TDRD10: variants seen among roughly 807,000 people sequenced by gnomAD.
TDRD10 encodes tudor domain-containing protein 10.
A neutral mutation model predicts 48.0 loss-of-function variants in TDRD10; 40 were observed. The observed-to-expected ratio is 0.83, with a 90% CI of 0.65 to 1.09. TDRD10 has a LOEUF of 1.09. Ranked by LOEUF, TDRD10 falls within the 50% of genes least tolerant of loss-of-function variation. TDRD10 has a pLI of 0.00. For synonymous variants in TDRD10, 162 were observed against 170.4 expected (o/e 0.95, Z 0.38); for missense variants, 378 against 434.7 (o/e 0.87, Z 1.16).
intron 9 of TDRD10, 46 bp from the exon 10 acceptor site, chr1:154,544,326 G>C: frequency 6.4e-7 from 1 of 1,554,980 alleles, no homozygotes; most frequent in South Asian, 1.2e-5. Context: ...AGGCAGATTT[G>C]TAATGCAGTG....
At chr1:154,516,004 A>G (rs1693743406) in intron 4 of TDRD10, among the ~76,000 whole-genome samples, 1 of 152,180 alleles carries the variant, frequency 6.6e-6, no homozygotes, top group Non-Finnish European at 1.5e-5. Context: ...GGCATGAGGC[A>G]CCGTGCCTGG....
At chr1:154,512,130 AT>A (rs1342797373) in intron 4 of TDRD10, among the ~76,000 whole-genome samples, 9 of 152,078 alleles carry the variant, frequency 5.9e-5, no homozygotes, top group Admixed American at 5.9e-4. Context: ...AATAAACCTC[AT>A]ACTCATTAGC....
At chr1:154,521,241 A>C in intron 5 of TDRD10, 82 bp from the exon 6 acceptor site, 1 of 1,403,146 alleles carries the variant, frequency 7.1e-7, no homozygotes, top group Non-Finnish European at 9.9e-7. Flanking sequence ...CTGGCCTTCC[A>C]GCTTGGGCTT....
chr1:154,525,895 CAAAAAAAAAAA>C (rs59844127), intron 6 of TDRD10, among the ~76,000 whole-genome samples: 3 of 52,974 alleles, frequency 5.7e-5, no homozygotes, highest in Non-Finnish European at 1.0e-4. Context: ...GATTCCGTCT[CAAAAAAAAAAA>C]AAAAAAAAAA....
chr1:154,517,225 G>C (rs949667186), intron 4 of TDRD10, among the ~76,000 whole-genome samples: 2 of 152,148 alleles, frequency 1.3e-5, no homozygotes, highest in Non-Finnish European at 2.9e-5. Flanking sequence ...TGGGCAGGTG[G>C]TTGTTGATCC....
At chr1:154,527,472 G>T (rs1194216257) in intron 6 of TDRD10, among the ~76,000 whole-genome samples, 1 of 152,140 alleles carries the variant, frequency 6.6e-6, no homozygotes, top group Non-Finnish European at 1.5e-5. Flanking sequence ...CTTATCCCAC[G>T]CACAAAAATA....
intron 4 of TDRD10, among the ~76,000 whole-genome samples, chr1:154,518,394 A>T (rs1464826415): frequency 1.3e-5 from 2 of 152,204 alleles, no homozygotes; most frequent in Non-Finnish European, 2.9e-5. Context: ...ATTTTAGCTT[A>T]ATGTACCAAG....
chr1:154,532,084 C>T (rs567589074), intron 6 of TDRD10, among the ~76,000 whole-genome samples: 11 of 152,224 alleles, frequency 7.2e-5, no homozygotes, highest in Non-Finnish European at 1.0e-4. Flanking sequence ...GGGTGCTGTG[C>T]GCCCACACTC....
chr1:154,546,262 C>T (rs997977181), intron 11 of TDRD10, among the ~76,000 whole-genome samples: 4 of 133,512 alleles, frequency 3.0e-5, no homozygotes, highest in South Asian at 2.4e-4. Context: ...TTAATAGTGA[C>T]GGGGTTTCAC....
intron 6 of TDRD10, among the ~76,000 whole-genome samples, chr1:154,525,944 C>T (rs188772909): frequency 1.4e-5 from 2 of 146,544 alleles, no homozygotes; most frequent in African/African-American, 5.0e-5. Context: ...TGGCTCACGC[C>T]GGTAATCCTA....
At chr1:154,509,465 G>A (rs1475999293) in intron 4 of TDRD10, among the ~76,000 whole-genome samples, 1 of 152,132 alleles carries the variant, frequency 6.6e-6, no homozygotes, top group Non-Finnish European at 1.5e-5. Flanking sequence ...TTGGAGATGA[G>A]GCAGCCAAGG....
At chr1:154,532,426 G>A (rs1349452980) in intron 6 of TDRD10, among the ~76,000 whole-genome samples, 6 of 152,094 alleles carry the variant, frequency 3.9e-5, no homozygotes, top group African/African-American at 9.7e-5. Context: ...CAAGCACCGC[G>A]CGCAGCCCTG....
Position 154,519,757 on chromosome 1 carries a change from G to T in TDRD10, c.142-547G>T, listed in dbSNP as rs375969573. Among the ~76,000 whole-genome samples the T allele has an allele frequency of 9.7e-3, 544 of 56,144 alleles. 3 individuals carry two copies. Among genetic ancestry groups the T allele is most frequent in the African/African-American group, 0.021 (518 of 24,508 alleles). The allele number at this position is 56,144 out of a possible 152,430, so 36.8% of individuals were successfully genotyped here. On this transcript the variant is annotated intron_variant, in intron 4 of 12. Coordinates refer to ENST00000368482, the MANE Select transcript of TDRD10 (RefSeq NM_182499.4). ...ACCTTATCATAAAGCGGGGGAGGTT[G>T]GTGCCTCTGTGGAGACACCAACCCA...
At chr1:154,546,319 T>C (rs1022322911) in intron 11 of TDRD10, among the ~76,000 whole-genome samples, 20 of 143,690 alleles carry the variant, frequency 1.4e-4, no homozygotes, top group African/African-American at 5.2e-4. Context: ...TGATCTGCCC[T>C]CCTCGGCCTC....
intron 6 of TDRD10, among the ~76,000 whole-genome samples, chr1:154,529,929 G>A (rs1214277084): frequency 1.3e-5 from 2 of 152,122 alleles, no homozygotes. Context: ...GTTCTCTTAG[G>A]GTAGGTCTGC....
At chr1:154,530,023 T>TA (rs1400809644) in intron 6 of TDRD10, among the ~76,000 whole-genome samples, 4 of 151,910 alleles carry the variant, frequency 2.6e-5, no homozygotes, top group African/African-American at 4.8e-5. Flanking sequence ...TTCTTTTTTT[T>TA]TCTGAGACAG....
At chr1:154,508,546 T>C in intron 4 of TDRD10, 65 bp downstream of exon 4, 1 of 1,067,190 alleles carries the variant, frequency 9.4e-7, no homozygotes, top group Non-Finnish European at 1.5e-6. Flanking sequence ...AGTAACCTGC[T>C]AGTAACTTAA....
intron 6 of TDRD10, among the ~76,000 whole-genome samples, chr1:154,523,450 T>C (rs2149328975): frequency 6.6e-6 from 1 of 152,308 alleles, no homozygotes; most frequent in African/African-American, 2.4e-5. Flanking sequence ...TCTGACTCAG[T>C]ACATGTAGGG....
intron 11 of TDRD10, among the ~76,000 whole-genome samples, chr1:154,546,512 G>A (rs1570998418): frequency 1.4e-5 from 2 of 145,652 alleles, no homozygotes; most frequent in Admixed American, 6.8e-5. Context: ...TATATTTAAA[G>A]ATGGAAAGGC....
Sources: gnomAD v4.1 joint callset for allele counts (sites outside exome capture counted in the v4.1 genomes callset) on GRCh38, gnomAD v4.1.1 for gene constraint, MANE v1.5 for transcripts, NCBI Gene and HGNC (gene_info 2026-07-23, HGNC 2026-07-21) for gene names.